RCAN2: variants seen among roughly 807,000 people sequenced by gnomAD.
The protein encoded by RCAN2 is regulator of calcineurin 2.
Under a neutral mutation model 23.6 loss-of-function variants are expected in RCAN2, and 9 were observed. The ratio of observed to expected loss-of-function variants is 0.38; its 90% confidence interval spans 0.23 to 0.67. The LOEUF is 0.67. RCAN2 is among the 30% of genes least tolerant of loss of function. The pLI is 0.51. For missense variants in RCAN2, 273 were observed against 302.3 expected (o/e 0.90, Z 0.72); for synonymous variants, 109 against 115.7 (o/e 0.94, Z 0.37).
intron 2 of RCAN2, among the ~76,000 whole-genome samples, chr6:46,260,745 C>T (rs1767085914): frequency 6.6e-6 from 1 of 152,120 alleles, no homozygotes; most frequent in South Asian, 2.1e-4. Flanking sequence ...AAGTCTCTTG[C>T]CTGCACCAGG....
intron 2 of RCAN2, among the ~76,000 whole-genome samples, chr6:46,283,163 T>C (rs888104264): frequency 3.3e-5 from 5 of 152,060 alleles, no homozygotes; most frequent in African/African-American, 1.2e-4. Flanking sequence ...TATAAACATA[T>C]TCAATCCAGG....
At chr6:46,378,429 G>A (rs989103631) in intron 2 of RCAN2, among the ~76,000 whole-genome samples, 4 of 152,148 alleles carry the variant, frequency 2.6e-5, no homozygotes, top group African/African-American at 7.2e-5. Context: ...ATTCTACTGT[G>A]TGAGCTTGAG....
At chr6:46,384,869 G>A (rs1047818292) in intron 2 of RCAN2, among the ~76,000 whole-genome samples, 4 of 152,050 alleles carry the variant, frequency 2.6e-5, no homozygotes, top group African/African-American at 9.7e-5. Flanking sequence ...ATATACATTC[G>A]TCAAAATCAC....
intron 2 of RCAN2, among the ~76,000 whole-genome samples, chr6:46,397,529 G>A (rs570024846): frequency 6.6e-6 from 1 of 152,026 alleles, no homozygotes; most frequent in African/African-American, 2.4e-5. Context: ...CTACCTTTGG[G>A]GGAAGCTGGT....
At chr6:46,347,871 T>C (rs1764535300) in intron 2 of RCAN2, among the ~76,000 whole-genome samples, 1 of 152,274 alleles carries the variant, frequency 6.6e-6, no homozygotes, top group South Asian at 2.1e-4. Flanking sequence ...CACTAAGAGA[T>C]ATCTGTTTAA....
chr6:46,449,573 G>A (rs1767814979), intron 2 of RCAN2, among the ~76,000 whole-genome samples: 1 of 150,690 alleles, frequency 6.6e-6, no homozygotes, highest in Admixed American at 6.6e-5. Context: ...GAAAAAAGCT[G>A]ACTACAAAGC....
intron 2 of RCAN2, among the ~76,000 whole-genome samples, chr6:46,389,737 C>T (rs377496561): frequency 6.6e-6 from 1 of 152,108 alleles, no homozygotes; most frequent in East Asian, 1.9e-4. Flanking sequence ...CCTTATAGCC[C>T]GCTTGAGGCT....
At chr6:46,483,541 A>G (rs1386072935) in intron 1 of RCAN2, among the ~76,000 whole-genome samples, 1 of 152,188 alleles carries the variant, frequency 6.6e-6, no homozygotes, top group African/African-American at 2.4e-5. Context: ...GCACTTAGAC[A>G]CAAGGTCAGA....
intron 2 of RCAN2, among the ~76,000 whole-genome samples, chr6:46,319,547 C>T (rs538202513): frequency 6.6e-5 from 10 of 152,274 alleles, no homozygotes; most frequent in East Asian, 3.9e-4. Context: ...ATTAGTTGAA[C>T]GGTCTACCTT....
intron 4 of RCAN2, among the ~76,000 whole-genome samples, chr6:46,246,088 G>A (rs1011000632): frequency 1.3e-5 from 2 of 152,116 alleles, no homozygotes; most frequent in Admixed American, 6.5e-5. Context: ...TACTTTGATT[G>A]TAATAGCAAA....
rs550618636 is a variant in RCAN2 at position 46,243,279 on chromosome 6, G to C, written c.571+3469C>G. ...AGGAAGCTTCAAGGACATAGAAAAG[G>C]GATAAATGGATAACCAAATAAAGAC... is the stretch of plus-strand genomic sequence containing the variant. On this transcript the variant is annotated intron_variant, in intron 4 of 4. Transcript: ENST00000371374. Among the ~76,000 whole-genome samples the C allele has an allele frequency of 7.9e-5, 12 of 152,210 alleles. No individual in the cohort carries two copies. The South Asian group carries it at 2.5e-3, about 32-fold the overall frequency.
chr6:46,428,291 G>A (rs571774473), intron 2 of RCAN2, among the ~76,000 whole-genome samples: 1 of 152,206 alleles, frequency 6.6e-6, no homozygotes, highest in South Asian at 2.1e-4. Context: ...CCTGATCAAA[G>A]AATATAAGAA....
At chr6:46,402,839 G>A (rs114920593) in intron 2 of RCAN2, among the ~76,000 whole-genome samples, 427 of 152,230 alleles carry the variant, frequency 2.8e-3, no homozygotes, top group African/African-American at 9.5e-3. Flanking sequence ...GTGTATACAC[G>A]TTTAATGTTT....
intron 2 of RCAN2, among the ~76,000 whole-genome samples, chr6:46,450,598 A>T (rs1767846385): frequency 6.6e-6 from 1 of 152,054 alleles, no homozygotes; most frequent in African/African-American, 2.4e-5. Context: ...ATGAAATACC[A>T]GTCAGCCTTA....
intron 2 of RCAN2, among the ~76,000 whole-genome samples, chr6:46,268,834 AT>A (rs1038231627): frequency 3.9e-5 from 6 of 152,188 alleles, no homozygotes; most frequent in Middle Eastern, 3.4e-3. Context: ...TAGATGTGTG[AT>A]TTTTTTCCCC....
At chr6:46,349,697 C>T (rs1203242266) in intron 2 of RCAN2, among the ~76,000 whole-genome samples, 1 of 152,116 alleles carries the variant, frequency 6.6e-6, no homozygotes, top group Admixed American at 6.6e-5. Context: ...GTTGACTGAA[C>T]CATCAAAGAA....
At chr6:46,270,472 T>A (rs1767487200) in intron 2 of RCAN2, among the ~76,000 whole-genome samples, 1 of 151,838 alleles carries the variant, frequency 6.6e-6, no homozygotes, top group Non-Finnish European at 1.5e-5. Flanking sequence ...GGCCCCAGAG[T>A]CAGACTGAGC....
At chr6:46,414,780 A>G (rs905826437) in intron 2 of RCAN2, among the ~76,000 whole-genome samples, 9 of 152,222 alleles carry the variant, frequency 5.9e-5, no homozygotes, top group African/African-American at 2.2e-4. Flanking sequence ...TCATGAGCCA[A>G]TTCCTTAAAA....
intron 2 of RCAN2, among the ~76,000 whole-genome samples, chr6:46,435,092 A>G (rs183330465): frequency 2.6e-5 from 4 of 152,300 alleles, no homozygotes; most frequent in African/African-American, 9.6e-5. Context: ...AAATCTTCTC[A>G]CTTTGTGCCC....
Sources: allele counts gnomAD v4.1 joint callset (sites outside exome capture counted in the v4.1 genomes callset), GRCh38; gene constraint gnomAD v4.1.1; transcripts MANE v1.5; gene names NCBI Gene and HGNC (gene_info 2026-07-23, HGNC 2026-07-21).